MLLT3: variants seen among roughly 807,000 people sequenced by gnomAD.
MLLT3 encodes protein AF-9.
In MLLT3, 4 loss-of-function variants were observed where a neutral mutation model predicts 53.2. The observed-to-expected ratio is 0.08, with a 90% confidence interval of 0.04 to 0.17. The LOEUF is 0.17. Ranked by LOEUF, MLLT3 falls within the 10% of genes least tolerant of loss-of-function variation. The probability of loss-of-function intolerance (pLI) is 1.00; values close to 1 mark genes in which losing one functional copy is unlikely to be tolerated. For synonymous variants in MLLT3, 283 were observed against 230.6 expected, an observed-to-expected ratio of 1.23 and a Z score of -2.06; for missense variants, 569 against 684.0, an observed-to-expected ratio of 0.83 and a Z score of 1.87.
chr9:20,617,451 G>C (rs189398416), intron 2 of MLLT3, among the ~76,000 whole-genome samples: 12 of 152,146 alleles, frequency 7.9e-5, no homozygotes, highest in African/African-American at 2.9e-4. Flanking sequence ...AAAATAATAA[G>C]CAACAGATTT....
At chr9:20,398,936 C>T (rs1005194710) in intron 5 of MLLT3, among the ~76,000 whole-genome samples, 5 of 152,100 alleles carry the variant, frequency 3.3e-5, no homozygotes, top group African/African-American at 1.2e-4. Flanking sequence ...TCTTCTCTTT[C>T]TGTTGGAGTT....
At chr9:20,483,480 A>C (rs906912119) in intron 2 of MLLT3, among the ~76,000 whole-genome samples, 3 of 150,968 alleles carry the variant, frequency 2.0e-5, no homozygotes, top group Non-Finnish European at 4.4e-5. Context: ...AGATCCTCCC[A>C]CCTCAGCCTC....
At chr9:20,483,698 CTTTTTTT>C (rs10538657) in intron 2 of MLLT3, among the ~76,000 whole-genome samples, 964 of 68,944 alleles carry the variant, frequency 0.014, 20 homozygotes, top group African/African-American at 0.057. Context: ...CAGTAAAACT[CTTTTTTT>C]TTTTTTTTTT....
chr9:20,557,820 G>C (rs774073388), intron 2 of MLLT3, among the ~76,000 whole-genome samples: 3 of 152,178 alleles, frequency 2.0e-5, no homozygotes, highest in Admixed American at 6.5e-5. Context: ...AAAGTACCGG[G>C]AGAGGGCAAG....
intron 5 of MLLT3, among the ~76,000 whole-genome samples, chr9:20,381,646 A>G (rs1019686301): frequency 2.6e-5 from 4 of 151,966 alleles, no homozygotes; most frequent in African/African-American, 9.7e-5. Flanking sequence ...TAATTTAATA[A>G]AACAACATTT....
chr9:20,400,664 G>T (rs1174633503), intron 5 of MLLT3, among the ~76,000 whole-genome samples: 1 of 151,890 alleles, frequency 6.6e-6, no homozygotes, highest in African/African-American at 2.4e-5. Flanking sequence ...GCTGAGTGAT[G>T]GTCCATGAAG....
At chr9:20,507,745 A>G (rs1273869796) in intron 2 of MLLT3, among the ~76,000 whole-genome samples, 2 of 151,320 alleles carry the variant, frequency 1.3e-5, no homozygotes, top group South Asian at 2.1e-4. Context: ...CAAAATGGAA[A>G]AAAAAAAAAA....
intron 2 of MLLT3, among the ~76,000 whole-genome samples, chr9:20,537,431 T>G (rs1047494110): frequency 1.3e-4 from 20 of 152,216 alleles, no homozygotes; most frequent in African/African-American, 4.3e-4. Context: ...AAGAATGTTT[T>G]TATTTTCCTA....
At chr9:20,567,247 C>G (rs1819400062) in intron 2 of MLLT3, among the ~76,000 whole-genome samples, 1 of 118,136 alleles carries the variant, frequency 8.5e-6, no homozygotes, top group African/African-American at 3.2e-5. Flanking sequence ...CTCCAAGAAT[C>G]TAAATTAAAC....
intron 2 of MLLT3, among the ~76,000 whole-genome samples, chr9:20,543,717 G>GAGGAGGA (rs901429996): frequency 2.0e-5 from 3 of 151,348 alleles, no homozygotes; most frequent in Non-Finnish European, 4.4e-5. Flanking sequence ...GAGGAGGACG[G>GAGGAGGA]AGGAGGAAGG....
intron 2 of MLLT3, among the ~76,000 whole-genome samples, chr9:20,594,326 C>T (rs1554643209): frequency 6.6e-6 from 1 of 152,148 alleles, no homozygotes; most frequent in Non-Finnish European, 1.5e-5. Flanking sequence ...CCTCGACATA[C>T]TAATGCTTTC....
chr9:20,473,474 T>C (rs994125570), intron 2 of MLLT3, among the ~76,000 whole-genome samples: 4 of 152,206 alleles, frequency 2.6e-5, no homozygotes, highest in African/African-American at 9.6e-5. Context: ...TGATCCTTAA[T>C]GTGATAACAA....
intron 4 of MLLT3, among the ~76,000 whole-genome samples, chr9:20,427,320 A>AC (rs1479783186): frequency 3.8e-4 from 58 of 152,006 alleles, no homozygotes; most frequent in African/African-American, 1.2e-3. Flanking sequence ...AAAAAAAAAA[A>AC]CACTGTTGGA....
intron 2 of MLLT3, among the ~76,000 whole-genome samples, chr9:20,531,819 A>G (rs778018466): frequency 5.9e-5 from 9 of 152,272 alleles, no homozygotes; most frequent in African/African-American, 1.4e-4. Flanking sequence ...CTCCTTTCAA[A>G]TTCCCAAGAA....
chr9:20,515,684 A>G, intron 2 of MLLT3, among the ~76,000 whole-genome samples: 1 of 151,834 alleles, frequency 6.6e-6, no homozygotes, highest in Admixed American at 6.6e-5. Context: ...CTTTCTTTGG[A>G]TGTTTATCTG....
intron 3 of MLLT3, among the ~76,000 whole-genome samples, chr9:20,452,333 T>G (rs1823860556): frequency 6.6e-6 from 1 of 152,106 alleles, no homozygotes; most frequent in African/African-American, 2.4e-5. Flanking sequence ...TCTCACAAGA[T>G]CTGATGGTTT....
At chr9:20,603,106 C>A (rs1203470162) in intron 2 of MLLT3, among the ~76,000 whole-genome samples, 2 of 152,056 alleles carry the variant, frequency 1.3e-5, no homozygotes, top group Non-Finnish European at 2.9e-5. Context: ...TTTCTCTTTA[C>A]CATTAGCAAG....
intron 5 of MLLT3, chr9:20,382,426 C>T (rs1046509295): frequency 2.0e-5 from 3 of 151,788 alleles, no homozygotes; most frequent in African/African-American, 7.2e-5. Flanking sequence ...ACAGAAGTGC[C>T]CCTAAGTTCA....
rs139788289 is a variant in MLLT3 at position 20,443,195 on chromosome 9, C to T, written c.420+4928G>A. ...AACACCCAACACCCTACCACCATCC[C>T]ATAAAAAACAACAGAACCAAAGCAG... is the stretch of plus-strand genomic sequence containing the variant. On this transcript the variant is annotated intron_variant, in intron 4 of 10. Transcript: ENST00000380338. Among the ~76,000 whole-genome samples, 516 of 152,012 alleles carry T rather than the reference C, an allele frequency of 3.4e-3. 3 individuals carry two copies. The highest frequency in any genetic ancestry group is 4.9e-3 in the Non-Finnish European group (334 of 67,962).
Sources: gnomAD v4.1 joint callset for allele counts (sites outside exome capture counted in the v4.1 genomes callset) on GRCh38, gnomAD v4.1.1 for gene constraint, MANE v1.5 for transcripts, NCBI Gene and HGNC (gene_info 2026-07-23, HGNC 2026-07-21) for gene names.